TAFA5: variants seen among roughly 807,000 people sequenced by gnomAD.
TAFA5 encodes chemokine-like protein TAFA-5.
Under a neutral mutation model 15.3 loss-of-function variants are expected in TAFA5, and 6 were observed. The observed-to-expected ratio is 0.39, with a 90% CI of 0.21 to 0.77. The LOEUF is 0.77. TAFA5 is among the 30% of genes least tolerant of loss of function. The pLI, the probability that TAFA5 is intolerant of heterozygous loss-of-function variation, is 0.41. For synonymous variants in TAFA5, 103 were observed against 80.7 expected, an observed-to-expected ratio of 1.28 and a Z score of -1.48; for missense variants, 161 against 193.1, an observed-to-expected ratio of 0.83 and a Z score of 0.98.
intron 1 of TAFA5, among the ~76,000 whole-genome samples, chr22:48,588,674 C>A (rs1282478104): frequency 1.3e-5 from 2 of 152,146 alleles, no homozygotes; most frequent in African/African-American, 4.8e-5. Flanking sequence ...CGATTCGGTG[C>A]CACCTCCCTG....
chr22:48,636,420 A>T (rs1028809395), intron 1 of TAFA5, among the ~76,000 whole-genome samples: 2 of 152,070 alleles, frequency 1.3e-5, no homozygotes, highest in Non-Finnish European at 2.9e-5. Context: ...AGACTATGAT[A>T]CTCCATCAGA....
chr22:48,649,206 G>A (rs973906026), intron 2 of TAFA5, among the ~76,000 whole-genome samples: 1 of 152,224 alleles, frequency 6.6e-6, no homozygotes, highest in Non-Finnish European at 1.5e-5. Context: ...TGCACCTGGG[G>A]GTTGCGTGCA....
chr22:48,603,787 C>G (rs891832590), intron 1 of TAFA5, among the ~76,000 whole-genome samples: 1 of 152,240 alleles, frequency 6.6e-6, no homozygotes, highest in African/African-American at 2.4e-5. Flanking sequence ...GCCTGCAGTC[C>G]TCTCTCTGGC....
At chr22:48,528,730 C>T (rs1257234858) in intron 1 of TAFA5, among the ~76,000 whole-genome samples, 2 of 152,208 alleles carry the variant, frequency 1.3e-5, no homozygotes, top group East Asian at 3.9e-4. Context: ...ACCCTGGAAG[C>T]GGAGTGGCCT....
At chr22:48,505,165 G>A (rs965925862) in intron 1 of TAFA5, among the ~76,000 whole-genome samples, 4 of 152,244 alleles carry the variant, frequency 2.6e-5, no homozygotes, top group Non-Finnish European at 5.9e-5. Context: ...CAGAGGAGAA[G>A]CTTGCCTTAG....
chr22:48,527,054 T>G (rs1358090163), intron 1 of TAFA5, among the ~76,000 whole-genome samples: 1 of 152,230 alleles, frequency 6.6e-6, no homozygotes, highest in East Asian at 1.9e-4. Context: ...GTCAGATGTG[T>G]GCATTTGGAG....
At chr22:48,568,877 C>T (rs969703131) in intron 1 of TAFA5, among the ~76,000 whole-genome samples, 4 of 152,200 alleles carry the variant, frequency 2.6e-5, no homozygotes, top group African/African-American at 9.6e-5. Context: ...GCCTCTGGGG[C>T]TGGGGTGGGG....
chr22:48,665,512 TA>T (rs1375556643), intron 2 of TAFA5, among the ~76,000 whole-genome samples: 1 of 151,504 alleles, frequency 6.6e-6, no homozygotes, highest in Non-Finnish European at 1.5e-5. Flanking sequence ...TTTCCAGCCT[TA>T]CATCACACAG....
chr22:48,557,263 A>G (rs1464995232), intron 1 of TAFA5, among the ~76,000 whole-genome samples: 1 of 152,212 alleles, frequency 6.6e-6, no homozygotes, highest in African/African-American at 2.4e-5. Flanking sequence ...GCCCTGATCC[A>G]GTATAACTGG....
At chr22:48,660,502 A>G (rs574417096) in intron 2 of TAFA5, among the ~76,000 whole-genome samples, 1 of 152,370 alleles carries the variant, frequency 6.6e-6, no homozygotes. Flanking sequence ...CTCTTTACAC[A>G]GAATTTTCCC....
chr22:48,654,624 G>A (rs1034925978), intron 2 of TAFA5, among the ~76,000 whole-genome samples: 16 of 152,236 alleles, frequency 1.1e-4, no homozygotes, highest in African/African-American at 3.9e-4. Context: ...TCCCGGCACT[G>A]ACTTTCCCAT....
At chr22:48,691,458 G>C (rs1170325627) in intron 2 of TAFA5, among the ~76,000 whole-genome samples, 2 of 152,268 alleles carry the variant, frequency 1.3e-5, no homozygotes, top group Non-Finnish European at 2.9e-5. Context: ...GGGTCGCCTT[G>C]TGTCGGGCAC....
At chr22:48,579,261 C>T (rs1039576436) in intron 1 of TAFA5, among the ~76,000 whole-genome samples, 6 of 152,172 alleles carry the variant, frequency 3.9e-5, no homozygotes, top group Admixed American at 2.0e-4. Flanking sequence ...TCCTGCCCAC[C>T]GCACCAGGCC....
intron 2 of TAFA5, among the ~76,000 whole-genome samples, chr22:48,679,694 C>T (rs1334264884): frequency 7.4e-6 from 1 of 134,494 alleles, no homozygotes; most frequent in Non-Finnish European, 1.6e-5. Flanking sequence ...CCATCCCTCT[C>T]CCGTCTCCCC....
chr22:48,553,034 C>A (rs996683428), intron 1 of TAFA5, among the ~76,000 whole-genome samples: 1 of 152,168 alleles, frequency 6.6e-6, no homozygotes, highest in Non-Finnish European at 1.5e-5. Flanking sequence ...TCTTTCACCC[C>A]GAGAGCCCAC....
intron 2 of TAFA5, among the ~76,000 whole-genome samples, chr22:48,659,600 T>A (rs9617484): frequency 0.28 from 42,820 of 152,154 alleles, 6,292 homozygotes; most frequent in African/African-American, 0.35. Flanking sequence ...TTCTTTGCCC[T>A]TGTCCTGCTT....
At chr22:48,575,821 C>T (rs1198404949) in intron 1 of TAFA5, among the ~76,000 whole-genome samples, 2 of 143,742 alleles carry the variant, frequency 1.4e-5, no homozygotes, top group African/African-American at 5.0e-5. Context: ...GGCGATGGTG[C>T]GGCAGCCCCG....
chr22:48,490,778 CAA>C lies in TAFA5; in HGVS notation c.112+1089_112+1090del, dbSNP rs377764643. On this transcript the variant is annotated intron_variant, in intron 1 of 3. Coordinates refer to ENST00000402357, the MANE Select transcript of TAFA5 (RefSeq NM_001082967.3). The surrounding 1 kb of genome is among the most constrained non-coding windows in gnomAD (Gnocchi z 5.8). ...GTGATGGAAAAATATGGATTCTTTA[CAA>C]AAAAAAAAAAAAAAGGCCAGCACCG... Among the ~76,000 whole-genome samples, 6 of 83,502 alleles carry C rather than the reference CAA, an allele frequency of 7.2e-5. No individual in the cohort carries two copies. The highest frequency in any genetic ancestry group is 4.0e-4 in the Admixed American group (3 of 7,548). The allele number at this position is 83,502 out of a possible 152,430, so 54.8% of individuals were successfully genotyped here. A position where few individuals can be genotyped will look rare whatever the true frequency, so the allele number is the denominator to read the frequency against.
rs1930462756 is a variant in TAFA5, at chr22:48,750,665, T to A, written c.*818T>A. On this transcript the variant is annotated 3_prime_UTR_variant, in exon 4 of 4. Transcript: ENST00000402357. The stretch of plus-strand genomic sequence containing the variant: ...CAGTTAAACATGCCTCTTCTACAGC[T>A]CCATTTTTGATAGTTGGATAATCCA... 1 of 153,064 alleles carries A rather than the reference T, an allele frequency of 6.5e-6. No homozygotes were observed. Among genetic ancestry groups the A allele is most frequent in the Non-Finnish European group, 1.5e-5 (1 of 68,164 alleles). 9.5% of individuals were successfully genotyped at this position (153,064 alleles called of 1,614,324 possible). A position where few individuals can be genotyped will look rare whatever the true frequency, so the allele number is the denominator to read the frequency against.
Sources: allele counts gnomAD v4.1 joint callset (sites outside exome capture counted in the v4.1 genomes callset), GRCh38; gene constraint gnomAD v4.1.1; non-coding constraint Gnocchi (gnomAD v3.1); transcripts MANE v1.5; gene names NCBI Gene and HGNC (gene_info 2026-07-23, HGNC 2026-07-21).